The following FRMD5 variants were observed in gnomAD, a reference collection of about 807,000 sequenced individuals.
FRMD5 encodes FERM domain containing 5.
In FRMD5, 20 loss-of-function variants were observed where a neutral mutation model predicts 69.0. The ratio of observed to expected loss-of-function variants is 0.29; its 90% CI spans 0.20 to 0.42. The LOEUF (loss-of-function observed/expected upper bound fraction) is 0.42. Among genes scored for constraint, FRMD5 ranks in the 10% least tolerant of loss-of-function variants. The probability of loss-of-function intolerance (pLI) is 1.00; values close to 1 mark genes in which losing one functional copy is unlikely to be tolerated. For missense variants in FRMD5, 595 were observed against 708.6 expected, an observed-to-expected ratio of 0.84 and a Z score of 1.82; for synonymous variants, 271 against 260.1, an observed-to-expected ratio of 1.04 and a Z score of -0.40.
intron 1 of FRMD5, among the ~76,000 whole-genome samples, chr15:44,184,326 A>C (rs2078062994): frequency 6.6e-6 from 1 of 152,202 alleles, no homozygotes; most frequent in Non-Finnish European, 1.5e-5. Context: ...GAAAACTCTT[A>C]ACATATAATA....
At chr15:44,197,678 C>CAAAAA (rs5812271), upstream of FRMD5, among the ~76,000 whole-genome samples, 33 of 84,506 alleles carry the variant, frequency 3.9e-4, no homozygotes, top group African/African-American at 6.7e-4. Context: ...GACTCCATCT[C>CAAAAA]AAAAAAAAAA....
intron 4 of FRMD5, among the ~76,000 whole-genome samples, chr15:43,913,261 G>A (rs1233464669): frequency 2.0e-5 from 3 of 152,168 alleles, no homozygotes; most frequent in African/African-American, 7.2e-5. Flanking sequence ...GCTGCAGGGA[G>A]GTTAAAGGCA....
chr15:44,133,240 A>C (rs8042697), intron 1 of FRMD5, among the ~76,000 whole-genome samples: 27,253 of 151,486 alleles, frequency 0.18, 4,956 homozygotes, highest in African/African-American at 0.47. Flanking sequence ...CAAAACAAAA[A>C]AATGATTAAA....
chr15:43,944,955 A>AT (rs1456244772), intron 1 of FRMD5, among the ~76,000 whole-genome samples: 286 of 139,018 alleles, frequency 2.1e-3, no homozygotes, highest in East Asian at 5.7e-3. Flanking sequence ...TTATTTATTT[A>AT]TTTTTTTTTT....
rs369630182 is a variant in FRMD5 at position 43,882,239 on chromosome 15, AC to A, written c.1135+1463del. 4.8e-4 allele frequency among the ~76,000 whole-genome samples: 73 copies of A among 152,340 alleles called. 1 individual carries two copies. The East Asian group carries it at 0.013, about 28-fold the overall frequency. On this transcript the variant is annotated intron_variant, in intron 13 of 13. Transcript: ENST00000417257. ...TTGGGGTATCTAGTTCAGTGGAGAT[AC>A]GTAGAATTTCTCTCTCTTCCCACCT...
intron 1 of FRMD5, among the ~76,000 whole-genome samples, chr15:44,025,646 G>T (rs1259386154): frequency 6.6e-6 from 1 of 152,076 alleles, no homozygotes; most frequent in African/African-American, 2.4e-5. Context: ...GTTGACTTTG[G>T]AATAAAATTT....
intron 7 of FRMD5, among the ~76,000 whole-genome samples, chr15:43,900,127 C>A (rs1396691368): frequency 2.0e-5 from 3 of 152,096 alleles, no homozygotes; most frequent in Non-Finnish European, 4.4e-5. Context: ...AGTGACTCAG[C>A]AGTTCAGGGA....
chr15:43,922,451 T>C (rs1002211139), intron 2 of FRMD5, among the ~76,000 whole-genome samples: 2 of 152,226 alleles, frequency 1.3e-5, no homozygotes, highest in South Asian at 2.1e-4. Context: ...TGGCAAGCAG[T>C]AGGAACTCCA....
intron 13 of FRMD5, among the ~76,000 whole-genome samples, chr15:43,877,457 C>T (rs982883326): frequency 6.6e-6 from 1 of 152,220 alleles, no homozygotes; most frequent in Non-Finnish European, 1.5e-5. Flanking sequence ...TGGCCGTTTG[C>T]ACCCAGGCAG....
At chr15:44,059,632 C>G (rs1418991180) in intron 1 of FRMD5, among the ~76,000 whole-genome samples, 1 of 152,084 alleles carries the variant, frequency 6.6e-6, no homozygotes, top group African/African-American at 2.4e-5. Context: ...CTGCCTCAGT[C>G]TCCTCAGTAG....
chr15:44,023,001 A>G (rs1891278484), intron 1 of FRMD5, among the ~76,000 whole-genome samples: 1 of 152,192 alleles, frequency 6.6e-6, no homozygotes, highest in South Asian at 2.1e-4. Flanking sequence ...CAATGGGGCA[A>G]ATTTGAAGGA....
chr15:44,162,585 C>T (rs1342923544), intron 1 of FRMD5, among the ~76,000 whole-genome samples: 6 of 151,916 alleles, frequency 3.9e-5, no homozygotes, highest in Non-Finnish European at 5.9e-5. Context: ...ACTCCCATGT[C>T]GGCCGGGCGC....
At chr15:43,884,436 G>GT (rs1174755331) in intron 12 of FRMD5, among the ~76,000 whole-genome samples, 3 of 152,176 alleles carry the variant, frequency 2.0e-5, no homozygotes, top group African/African-American at 7.2e-5. Flanking sequence ...CTGAAATTGT[G>GT]TGACACATCT....
intron 1 of FRMD5, among the ~76,000 whole-genome samples, chr15:43,958,442 T>C (rs1488696218): frequency 6.6e-6 from 1 of 152,190 alleles, no homozygotes; most frequent in Non-Finnish European, 1.5e-5. Context: ...TTTTTGTTTT[T>C]GAAACAAGGT....
intron 1 of FRMD5, among the ~76,000 whole-genome samples, chr15:44,074,122 T>A (rs1216839386): frequency 6.6e-6 from 1 of 152,192 alleles, no homozygotes; most frequent in African/African-American, 2.4e-5. Context: ...CATTTCTACC[T>A]AACTCCTGAA....
At chr15:43,950,972 C>T (rs562410244) in intron 1 of FRMD5, among the ~76,000 whole-genome samples, 20 of 152,198 alleles carry the variant, frequency 1.3e-4, no homozygotes, top group East Asian at 1.2e-3. Context: ...CCTCGAAATG[C>T]GGTGTGAGAC....
chr15:43,876,336 C>A, intron 13 of FRMD5: 1 of 920,256 alleles, frequency 1.1e-6, no homozygotes, highest in Non-Finnish European at 1.7e-6. Flanking sequence ...TGATGCAGAG[C>A]TGGGACCACG....
intron 1 of FRMD5, among the ~76,000 whole-genome samples, chr15:44,054,102 G>A (rs1360893275): frequency 6.6e-6 from 1 of 152,200 alleles, no homozygotes; most frequent in African/African-American, 2.4e-5. Context: ...GCCTTCTCAT[G>A]TTCAACTGCT....
intron 1 of FRMD5, among the ~76,000 whole-genome samples, chr15:44,084,692 T>G (rs1894124889): frequency 6.6e-6 from 1 of 152,104 alleles, no homozygotes; most frequent in African/African-American, 2.4e-5. Context: ...TCCTTTAGCT[T>G]TTATTCCATT....
Sources: gnomAD v4.1 joint callset for allele counts (sites outside exome capture counted in the v4.1 genomes callset) on GRCh38, gnomAD v4.1.1 for gene constraint, MANE v1.5 for transcripts, NCBI Gene and HGNC (gene_info 2026-07-23, HGNC 2026-07-21) for gene names.